Variants in CADPS2 observed in about 807,000 individuals in gnomAD.
CADPS2 encodes the protein calcium dependent secretion activator 2.
A neutral mutation model predicts 172.5 loss-of-function variants in CADPS2; 93 were observed. The observed-to-expected ratio is 0.54, with a 90% CI of 0.46 to 0.64. CADPS2 has a LOEUF of 0.64. CADPS2 is among the 30% of genes least tolerant of loss of function. The pLI is 0.00. For missense variants in CADPS2, 1,420 were observed against 1,565.9 expected, an observed-to-expected ratio of 0.91 and a Z score of 1.57; for synonymous variants, 546 against 555.2, an observed-to-expected ratio of 0.98 and a Z score of 0.23.
intron 8 of CADPS2, among the ~76,000 whole-genome samples, chr7:122,545,777 A>G (rs1399426933): frequency 6.6e-6 from 1 of 152,148 alleles, no homozygotes; most frequent in East Asian, 1.9e-4. Flanking sequence ...CTAAAGATCA[A>G]TCGAACTGAC....
chr7:122,614,706 C>T (rs1226556933), intron 6 of CADPS2, among the ~76,000 whole-genome samples: 2 of 152,226 alleles, frequency 1.3e-5, no homozygotes, highest in African/African-American at 2.4e-5. Flanking sequence ...GAATATCGTG[C>T]GGTAGTCGTA....
chr7:122,361,694 G>C (rs769873207), intron 25 of CADPS2, among the ~76,000 whole-genome samples: 5 of 152,060 alleles, frequency 3.3e-5, no homozygotes, highest in Admixed American at 6.5e-5. Flanking sequence ...ACAATGGCAG[G>C]CAAGCTTAAT....
chr7:122,630,428 G>T (rs951260451), intron 3 of CADPS2, among the ~76,000 whole-genome samples: 1 of 152,040 alleles, frequency 6.6e-6, no homozygotes, highest in African/African-American at 2.4e-5. Context: ...CAAAAGTCTG[G>T]AGGTGAGGAG....
chr7:122,409,643 C>T lies in CADPS2; in HGVS notation c.2590-1947G>A, dbSNP rs900585484. 3.8e-5 allele frequency: 18 copies of T among 470,644 alleles called. No homozygotes were observed. In the East Asian group the frequency reaches 6.9e-4, roughly 18 times the overall value. The allele number at this position is 470,644 out of a possible 1,614,324, so 29.2% of individuals were successfully genotyped here. A position where few individuals can be genotyped will look rare whatever the true frequency, so the allele number is the denominator to read the frequency against. On this transcript the variant is annotated intron_variant, in intron 19 of 29. Transcript: ENST00000449022. Reference sequence around the variant, plus strand: ...TCTTCTCCTAATGATGGCTAAATAACGCTTTAAGCAATCACTGTCTTTGAA... The same window carrying T: ...TCTTCTCCTAATGATGGCTAAATAATGCTTTAAGCAATCACTGTCTTTGAA...
intron 19 of CADPS2, among the ~76,000 whole-genome samples, chr7:122,413,716 G>A (rs1427930191): frequency 6.6e-6 from 1 of 152,088 alleles, no homozygotes; most frequent in African/African-American, 2.4e-5. Flanking sequence ...AGTCAGTCTG[G>A]AATCAGACCA....
intron 1 of CADPS2, among the ~76,000 whole-genome samples, chr7:122,798,726 C>T (rs1225673293): frequency 2.0e-5 from 3 of 152,036 alleles, no homozygotes; most frequent in Non-Finnish European, 4.4e-5. Context: ...TTACTATAAA[C>T]TCTACTTCAT....
Position 122,490,112 on chromosome 7 carries a change from TTTAGGA to T in CADPS2, c.1815_1820del (p.Asn605_Pro606del). ...GAGCATCTGCATGGAGAGTTCCTCC[TTTAGGA>T]TTCAGTTTCTGGGTTTGAATTGCAG... On this transcript the variant is annotated inframe_deletion, in exon 11 of 30. Transcript: ENST00000449022. The T allele has an allele frequency of 6.2e-7, 1 of 1,613,454 alleles. No individual in the cohort carries two copies. The highest frequency in any genetic ancestry group is 8.5e-7 in the Non-Finnish European group (1 of 1,179,578).
intron 8 of CADPS2, among the ~76,000 whole-genome samples, chr7:122,532,513 C>T (rs892124314): frequency 4.6e-5 from 7 of 151,932 alleles, no homozygotes; most frequent in African/African-American, 7.3e-5. Context: ...TACACACTGC[C>T]GCACTCCGAC....
chr7:122,674,030 T>A (rs1054741295), intron 2 of CADPS2, among the ~76,000 whole-genome samples: 2 of 151,978 alleles, frequency 1.3e-5, no homozygotes, highest in African/African-American at 2.4e-5. Context: ...GGGCTGGCAG[T>A]ACTGGGGGAT....
intron 3 of CADPS2, among the ~76,000 whole-genome samples, chr7:122,631,006 A>G (rs1336819229): frequency 6.6e-6 from 1 of 152,166 alleles, no homozygotes; most frequent in African/African-American, 2.4e-5. Flanking sequence ...TCTAAAATCA[A>G]AATGATTAAA....
At chr7:122,624,707 C>T (rs2254981) in intron 4 of CADPS2, among the ~76,000 whole-genome samples, 77,021 of 151,986 alleles carry the variant, frequency 0.51, 19,724 homozygotes, top group East Asian at 0.69. Context: ...AGGGAGTCTA[C>T]AAATAATTCA....
intron 6 of CADPS2, among the ~76,000 whole-genome samples, chr7:122,611,068 C>T (rs535146524): frequency 1.8e-4 from 27 of 152,072 alleles, no homozygotes; most frequent in African/African-American, 5.5e-4. Context: ...ACTAAAGCAG[C>T]GCTTAGAGGG....
chr7:122,686,243 G>T (rs1468167021), intron 2 of CADPS2, among the ~76,000 whole-genome samples: 6 of 152,180 alleles, frequency 3.9e-5, no homozygotes, highest in Non-Finnish European at 8.8e-5. Context: ...AGTTGTGATA[G>T]TGGTAGCGGA....
chr7:122,787,132 C>T (rs1794229065), intron 1 of CADPS2, among the ~76,000 whole-genome samples: 1 of 152,130 alleles, frequency 6.6e-6, no homozygotes, highest in Non-Finnish European at 1.5e-5. Flanking sequence ...CAATGAGGAA[C>T]AGCTAATGTG....
chr7:122,641,804 T>C (rs1213439514), intron 3 of CADPS2, among the ~76,000 whole-genome samples: 2 of 151,924 alleles, frequency 1.3e-5, no homozygotes, highest in Non-Finnish European at 2.9e-5. Flanking sequence ...GCATACCCTG[T>C]TGCAGGATTT....
chr7:122,393,648 C>A, intron 20 of CADPS2, 66 bp from the exon 21 acceptor site: 2 of 1,560,962 alleles, frequency 1.3e-6, no homozygotes, highest in Non-Finnish European at 1.8e-6. Context: ...AAAATATGGG[C>A]CAAAAAAACA....
chr7:122,749,405 G>C (rs1415293983), intron 1 of CADPS2, among the ~76,000 whole-genome samples: 1 of 152,092 alleles, frequency 6.6e-6, no homozygotes, highest in Non-Finnish European at 1.5e-5. Flanking sequence ...CTGCTGCTCT[G>C]TCCTGGCCTA....
chr7:122,503,768 A>G lies in CADPS2; in HGVS notation c.1542+9481T>C, dbSNP rs74890124. ...TTCACCAAATATTTATCATGCATCT[A>G]CAGTGAATTTTTCCAGGCTTTGGGT... On this transcript the variant is annotated intron_variant, in intron 9 of 29. Coordinates refer to ENST00000449022, the MANE Select transcript of CADPS2 (RefSeq NM_017954.11). Among the ~76,000 whole-genome samples the G allele has an allele frequency of 8.1e-3, 1,233 of 152,240 alleles. 16 individuals are homozygous for G. Among genetic ancestry groups the G allele is most frequent in the African/African-American group, 0.028 (1,175 of 41,558 alleles).
chr7:122,684,466 CCTA>C (rs987208609), intron 2 of CADPS2, among the ~76,000 whole-genome samples: 4 of 151,822 alleles, frequency 2.6e-5, no homozygotes, highest in African/African-American at 9.7e-5. Flanking sequence ...TATATATACA[CCTA>C]CTAGATTCTA....
Sources: allele counts gnomAD v4.1 joint callset (sites outside exome capture counted in the v4.1 genomes callset), GRCh38; gene constraint gnomAD v4.1.1; transcripts MANE v1.5; gene names NCBI Gene and HGNC (gene_info 2026-07-23, HGNC 2026-07-21).